The following WASL variants were observed in gnomAD, a reference collection of about 807,000 sequenced individuals.
WASL encodes actin nucleation-promoting factor WASL.
Under a neutral mutation model 55.5 loss-of-function variants are expected in WASL, and 20 were observed. That is an observed-to-expected ratio of 0.36 (90% CI 0.25 to 0.52). The LOEUF (loss-of-function observed/expected upper bound fraction) is 0.52. Among genes scored for constraint, WASL ranks in the 20% least tolerant of loss-of-function variants. The pLI, the probability that WASL is intolerant of heterozygous loss-of-function variation, is 0.92. For synonymous variants in WASL, 249 were observed against 217.6 expected, an observed-to-expected ratio of 1.14 and a Z score of -1.27; for missense variants, 504 against 622.5, an observed-to-expected ratio of 0.81 and a Z score of 2.03.
Position 123,709,118 on chromosome 7 carries a change from A to T in WASL, c.223T>A (p.Ser75Thr). The T allele has an allele frequency of 1.2e-6, 2 of 1,608,884 alleles. No homozygotes were observed. The highest frequency in any genetic ancestry group is 1.7e-6 in the Non-Finnish European group (2 of 1,177,296). ...ATGTCAAATATTCTTAAAAAATAAG[A>T]TCTCTGTGGATTGTCCTTAACAAGA... ...ACLVKDNPQR[S>T]YFLRIFDIKD... The change falls in exon 2 of 11, where the codon TCT (serine) becomes ACT (threonine). Residue 75 changes from serine to threonine, a missense_variant. Ser to Thr is a moderately conservative substitution (Grantham distance 58, BLOSUM62 1). This residue lies in a region of WASL where 230 missense variants were observed against 271.9 expected (regional missense o/e 0.85). Transcript: ENST00000223023.
At chr7:123,701,945 T>G (rs1369081487) in intron 5 of WASL, among the ~76,000 whole-genome samples, 1 of 148,706 alleles carries the variant, frequency 6.7e-6, no homozygotes, top group Non-Finnish European at 1.5e-5. Flanking sequence ...ACAACACTAT[T>G]AAAAAAAAAA....
At chr7:123,718,361 C>T (rs2116800853) in intron 1 of WASL, among the ~76,000 whole-genome samples, 1 of 152,248 alleles carries the variant, frequency 6.6e-6, no homozygotes, top group South Asian at 2.1e-4. Flanking sequence ...AAACAAACAA[C>T]TATCTAAGCG....
intron 5 of WASL, among the ~76,000 whole-genome samples, chr7:123,697,652 T>C (rs1803513845): frequency 6.6e-6 from 1 of 152,192 alleles, no homozygotes; most frequent in African/African-American, 2.4e-5. Flanking sequence ...CCAAAACATA[T>C]GAAATACTAT....
intron 1 of WASL, among the ~76,000 whole-genome samples, chr7:123,743,383 TA>T (rs1209213717): frequency 6.6e-6 from 1 of 151,248 alleles, no homozygotes; most frequent in East Asian, 1.9e-4. Flanking sequence ...CAATGTATGG[TA>T]GCAGAGCATG....
In WASL at chr7:123,722,477, TC is replaced by T. The variant is rs559822061; in HGVS notation, c.118-13255del. The stretch of plus-strand genomic sequence containing the variant: ...ATCATCTTAGATGATTAAAAGAAGG[TC>T]TCTGTCTCCAAGATGTTAATAACCT... On this transcript the variant is annotated intron_variant, in intron 1 of 10. Coordinates refer to ENST00000223023, the MANE Select transcript of WASL (RefSeq NM_003941.4). Among the ~76,000 whole-genome samples, 325 of 152,286 alleles carry T rather than the reference TC, an allele frequency of 2.1e-3. 1 individual carries two copies. Among genetic ancestry groups the T allele is most frequent in the African/African-American group, 7.5e-3 (311 of 41,546 alleles).
chr7:123,700,217 T>A (rs1256382645), intron 5 of WASL, among the ~76,000 whole-genome samples: 1 of 135,444 alleles, frequency 7.4e-6, no homozygotes, highest in African/African-American at 2.7e-5. Flanking sequence ...ACAACATTAT[T>A]TAAGTAAGAC....
intron 5 of WASL, among the ~76,000 whole-genome samples, chr7:123,701,234 G>T (rs1044883474): frequency 6.6e-6 from 1 of 152,066 alleles, no homozygotes; most frequent in East Asian, 1.9e-4. Context: ...TAATGAAGGC[G>T]GGCTGTTTTC....
intron 5 of WASL, 74 bp downstream of exon 5, chr7:123,704,560 T>A: frequency 8.4e-7 from 1 of 1,195,920 alleles, no homozygotes; most frequent in Non-Finnish European, 1.2e-6. Context: ...ATTACTAATG[T>A]ATGGTACATG....
Position 123,714,639 on chromosome 7 carries a change from A to G in WASL, c.118-5416T>C, listed in dbSNP as rs147138115. 2.5e-3 allele frequency among the ~76,000 whole-genome samples: 374 copies of G among 152,280 alleles called. 3 individuals are homozygous for G. The highest frequency in any genetic ancestry group is 8.4e-3 in the African/African-American group (347 of 41,552). ...TTCACCAAATGTTTATGAAGAACCT[A>G]CTATGTACAAGGGACTGGGATAACT... On this transcript the variant is annotated intron_variant, in intron 1 of 10. Coordinates refer to ENST00000223023, the MANE Select transcript of WASL (RefSeq NM_003941.4).
intron 1 of WASL, among the ~76,000 whole-genome samples, chr7:123,712,611 T>C (rs946157224): frequency 6.6e-6 from 1 of 152,214 alleles, no homozygotes; most frequent in Non-Finnish European, 1.5e-5. Context: ...TCTTTAAGTA[T>C]GAAATTATTT....
At position 123,696,705 on chromosome 7, in the gene WASL, T is replaced by G; in HGVS notation, c.503A>C (p.Glu168Ala). 1 of 1,600,248 alleles carries G rather than the reference T, an allele frequency of 6.2e-7. No homozygotes were observed. The highest frequency in any genetic ancestry group is 8.5e-7 in the Non-Finnish European group (1 of 1,173,282). Residue 168 changes from glutamate (E) to alanine (A), a missense_variant, in exon 6 of 11, where the codon GAA becomes GCA. Physicochemically the swap from Glu to Ala is moderately radical, Grantham distance 107. This residue lies in a region of WASL where 230 missense variants were observed against 271.9 expected (regional missense o/e 0.85). Transcript: ENST00000223023. ...PMATVDIKNP[E>A]ITTNRFYGPQ... ...ACCATAAAATCTATTTGTTGTGATTTCTGGATTTTTTATATCAACTGTAGC... is the reference window on the plus strand; with the variant it reads ...ACCATAAAATCTATTTGTTGTGATTGCTGGATTTTTTATATCAACTGTAGC...
chr7:123,706,401 A>G (rs749852713), intron 3 of WASL, 28 bp from the exon 4 acceptor site: 2 of 1,581,928 alleles, frequency 1.3e-6, no homozygotes, highest in South Asian at 2.2e-5. Context: ...CAAAGGGGAA[A>G]CAACAGAATG....
At chr7:123,698,913 G>A (rs1803532791) in intron 5 of WASL, among the ~76,000 whole-genome samples, 1 of 152,152 alleles carries the variant, frequency 6.6e-6, no homozygotes, top group Non-Finnish European at 1.5e-5. Context: ...GACCTTCACA[G>A]ACTTATCTGG....
chr7:123,703,166 A>G (rs930111473), intron 5 of WASL, among the ~76,000 whole-genome samples: 2 of 152,156 alleles, frequency 1.3e-5, no homozygotes, highest in African/African-American at 4.8e-5. Context: ...CTGAGACATG[A>G]TATTTACCCT....
chr7:123,688,643 TGA>T (rs2116764796), intron 10 of WASL, among the ~76,000 whole-genome samples: 1 of 152,278 alleles, frequency 6.6e-6, no homozygotes, highest in South Asian at 2.1e-4. Flanking sequence ...ATTACAGGTG[TGA>T]GTCACCGCAC....
Position 123,727,353 on chromosome 7 carries a change from T to TCTCACACACACACACA in WASL, c.118-18131_118-18130insTGTGTGTGTGTGTGAG, listed in dbSNP as rs1554406247. 9.5e-5 allele frequency among the ~76,000 whole-genome samples: 14 copies of TCTCACACACACACACA among 147,818 alleles called. No homozygotes were observed. The South Asian group carries it at 1.1e-3, about 11-fold the overall frequency. ...TGCCCAAAAGAAATAAAAATATGTG[T>TCTCACACACACACACA]CACACACACACACACACACACACAC... On this transcript the variant is annotated intron_variant, in intron 1 of 10. Coordinates refer to ENST00000223023, the MANE Select transcript of WASL (RefSeq NM_003941.4).
At chr7:123,714,311 T>G (rs550107556) in intron 1 of WASL, among the ~76,000 whole-genome samples, 5 of 152,192 alleles carry the variant, frequency 3.3e-5, no homozygotes, top group Admixed American at 3.3e-4. Context: ...CAAGGGATCT[T>G]ATCACCTGGT....
In WASL at chr7:123,700,133, G is replaced by A. The variant is rs185340577; in HGVS notation, c.461-3386C>T. Among the ~76,000 whole-genome samples, 6 of 117,736 alleles carry A rather than the reference G, an allele frequency of 5.1e-5. No homozygotes were observed. The East Asian group carries it at 8.3e-4, about 16-fold the overall frequency. The allele number at this position is 117,736 out of a possible 152,430, so 77.2% of individuals were successfully genotyped here. The stretch of plus-strand genomic sequence containing the variant: ...GGAGCTTGCAGTGAGTCGAAATAGC[G>A]CCACTGCACTCCAGCCTGGGCAACA... On this transcript the variant is annotated intron_variant, in intron 5 of 10. Transcript: ENST00000223023.
chr7:123,721,133 T>C (rs1185260984), intron 1 of WASL, among the ~76,000 whole-genome samples: 1 of 152,242 alleles, frequency 6.6e-6, no homozygotes, highest in Admixed American at 6.5e-5. Context: ...TGATTTCTTT[T>C]ACAAACTTAC....
Sources: gnomAD v4.1 joint callset for allele counts (sites outside exome capture counted in the v4.1 genomes callset) on GRCh38, gnomAD v4.1.1 for gene constraint, gnomAD v4.1.1 regional missense constraint, MANE v1.5 for transcripts, NCBI Gene and HGNC (gene_info 2026-07-23, HGNC 2026-07-21) for gene names.